KMT2C: variants seen among roughly 807,000 people sequenced by gnomAD.
The protein encoded by KMT2C is histone-lysine N-methyltransferase 2C.
KMT2C carries 88 observed loss-of-function variants against 507.9 expected under a neutral mutation model. The ratio of observed to expected loss-of-function variants is 0.17; its 90% CI spans 0.15 to 0.21. The LOEUF (loss-of-function observed/expected upper bound fraction) is 0.21, where lower values mean the gene tolerates loss of function less well. Among genes scored for constraint, KMT2C ranks in the 10% least tolerant of loss-of-function variants. The pLI, the probability that KMT2C is intolerant of heterozygous loss-of-function variation, is 1.00. For missense variants in KMT2C, 4,954 were observed against 5,957.8 expected (o/e 0.83, Z 5.55); for synonymous variants, 2,049 against 2,080.8 (o/e 0.98, Z 0.42).
Position 152,152,949 on chromosome 7 carries a change from A to T in KMT2C, c.12282T>A (p.Ile4094=), listed in dbSNP as rs375947760. The T allele has an allele frequency of 6.2e-7, 1 of 1,614,120 alleles. No individual in the cohort carries two copies. Among genetic ancestry groups the T allele is most frequent in the Non-Finnish European group, 8.5e-7 (1 of 1,179,914 alleles). Residue 4094 remains isoleucine, a synonymous_variant, in exon 49 of 59, where the codon ATT becomes ATA. Transcript: ENST00000262189. ...CGGAAAATGCAGCCACAACACTGCT[A>T]ATGTTCTAAAACCAAATGCAAATGC... ...ITLHPTAAEN[I]SSVVAAFSDL... is the part of the protein sequence containing the mutation.
intron 20 of KMT2C, among the ~76,000 whole-genome samples, chr7:152,223,525 G>A (rs560775937): frequency 6.6e-6 from 1 of 152,206 alleles, no homozygotes; most frequent in Admixed American, 6.5e-5. Flanking sequence ...CGGGCACAGT[G>A]GCTCACACCT....
intron 9 of KMT2C, among the ~76,000 whole-genome samples, chr7:152,253,514 CAAAAAAAAA>C (rs71198770): frequency 1.0e-3 from 41 of 39,512 alleles, no homozygotes; most frequent in African/African-American, 1.9e-3. Context: ...TCTTTCTCTA[CAAAAAAAAA>C]AAAAAAAAAA....
intron 15 of KMT2C, among the ~76,000 whole-genome samples, chr7:152,236,252 T>C (rs1168877686): frequency 6.6e-6 from 1 of 152,264 alleles, no homozygotes; most frequent in East Asian, 1.9e-4. Flanking sequence ...ATCCAGATAT[T>C]TCGAAGTGCA....
At chr7:152,219,610 A>G (rs2094703010) in intron 23 of KMT2C, among the ~76,000 whole-genome samples, 1 of 152,126 alleles carries the variant, frequency 6.6e-6, no homozygotes, top group African/African-American at 2.4e-5. Flanking sequence ...ACTATGAAAT[A>G]AAATATAATC....
intron 6 of KMT2C, among the ~76,000 whole-genome samples, chr7:152,303,416 T>C (rs113982022): frequency 0.02 from 3,092 of 152,288 alleles, 114 homozygotes; most frequent in African/African-American, 0.072. Context: ...GGCCAGCCAG[T>C]AGGACCTACC....
At chr7:152,257,884 C>A (rs74726042) in intron 9 of KMT2C, among the ~76,000 whole-genome samples, 4,628 of 146,728 alleles carry the variant, frequency 0.032, 212 homozygotes, top group African/African-American at 0.1. Flanking sequence ...CACACACACA[C>A]AAAAAAAACA....
Position 152,152,724 on chromosome 7 carries a change from T to C in KMT2C, c.12507A>G (p.Pro4169=), listed in dbSNP as rs1363346899. The change falls in exon 49 of 59, where the codon CCA becomes CCG. Residue 4169 remains proline, a synonymous_variant. Transcript: ENST00000262189. Reference sequence around the variant, plus strand: ...GCTCACCATTGCTTGTTGGAGGAAATGGTACATTAGGCTGCTTCAGCCGGT... The same window carrying C: ...GCTCACCATTGCTTGTTGGAGGAAACGGTACATTAGGCTGCTTCAGCCGGT... ...SSYRLKQPNV[P]FPPTSNGLSG... 1.2e-6 allele frequency: 2 copies of C among 1,614,062 alleles called. No homozygotes were observed. Among genetic ancestry groups the C allele is most frequent in the South Asian group, 1.1e-5 (1 of 91,056 alleles).
chr7:152,280,770 TTG>T (rs898114699), intron 6 of KMT2C, among the ~76,000 whole-genome samples: 2 of 152,216 alleles, frequency 1.3e-5, no homozygotes, highest in African/African-American at 4.8e-5. Context: ...AATTGCTTTA[TTG>T]TAACAGATAA....
In KMT2C at chr7:152,335,921, T is replaced by C. The variant is rs546171947; in HGVS notation, c.251-5182A>G. 5.5e-4 allele frequency among the ~76,000 whole-genome samples: 84 copies of C among 152,080 alleles called. 2 individuals carry two copies. The South Asian group carries it at 0.017, about 30-fold the overall frequency. The stretch of plus-strand genomic sequence containing the variant: ...TCAGACTATAGGGTTTTTTTGTTTT[T>C]TTTTTGTTTTTTAAGAAATAGGATC... On this transcript the variant is annotated intron_variant, in intron 2 of 58. Coordinates refer to ENST00000262189, the MANE Select transcript of KMT2C (RefSeq NM_170606.3).
chr7:152,350,392 G>A (rs1442053058), intron 2 of KMT2C, among the ~76,000 whole-genome samples: 1 of 152,216 alleles, frequency 6.6e-6, no homozygotes, highest in African/African-American at 2.4e-5. Flanking sequence ...GATATGTTCT[G>A]AAATATTCAT....
At chr7:152,357,378 G>A (rs2097160848) in intron 2 of KMT2C, among the ~76,000 whole-genome samples, 1 of 152,082 alleles carries the variant, frequency 6.6e-6, no homozygotes, top group African/African-American at 2.4e-5. Flanking sequence ...CAAAAAATTA[G>A]CTGGGTGTGG....
Position 152,155,350 on chromosome 7 carries a change from G to A in KMT2C, c.11960+560C>T, listed in dbSNP as rs549034111. 2.6e-5 allele frequency among the ~76,000 whole-genome samples: 4 copies of A among 152,330 alleles called. No individual in the cohort carries two copies. The East Asian group carries it at 7.7e-4, about 29-fold the overall frequency. The stretch of plus-strand genomic sequence containing the variant: ...AAAGAAGAGATAATTATTTGATGAA[G>A]TTGTAAGAACCCTCTGGATCTAAAG... On this transcript the variant is annotated intron_variant, in intron 46 of 58. Coordinates refer to ENST00000262189, the MANE Select transcript of KMT2C (RefSeq NM_170606.3).
chr7:152,347,226 C>A (rs2097068778), intron 2 of KMT2C, among the ~76,000 whole-genome samples: 1 of 152,220 alleles, frequency 6.6e-6, no homozygotes, highest in South Asian at 2.1e-4. Flanking sequence ...AGACTGTCTA[C>A]CTGAAATAGT....
Position 152,163,276 on chromosome 7 carries a change from T to G in KMT2C, c.10301A>C (p.His3434Pro). 3 of 1,614,196 alleles carry G rather than the reference T, an allele frequency of 1.9e-6. No homozygotes were observed. Among genetic ancestry groups the G allele is most frequent in the Admixed American group, 3.3e-5 (2 of 60,024 alleles). The change falls in exon 43 of 59, where the codon CAT becomes CCT. Residue 3434 changes from histidine to proline, a missense_variant. Transcript: ENST00000262189. ...ALQQRMEMEQ[H>P]GMVGSEISSS... ...ACTTATCTCAGAGCCCACCATACCA[T>G]GCTGCTCCATTTCCATCCTCTGCTG... is the stretch of plus-strand genomic sequence containing the variant.
At chr7:152,400,858 T>C (rs889880338) in intron 1 of KMT2C, among the ~76,000 whole-genome samples, 1 of 123,160 alleles carries the variant, frequency 8.1e-6, no homozygotes, top group East Asian at 2.2e-4. Context: ...TAGCCCAAAC[T>C]GAAGGAAATA....
chr7:152,338,317 T>C (rs995597934), intron 2 of KMT2C, among the ~76,000 whole-genome samples: 1 of 152,208 alleles, frequency 6.6e-6, no homozygotes, highest in Admixed American at 6.5e-5. Flanking sequence ...CCAAACAAAA[T>C]TTTGAGTAAC....
chr7:152,412,068 T>C (rs2097690044), intron 1 of KMT2C, among the ~76,000 whole-genome samples: 1 of 152,216 alleles, frequency 6.6e-6, no homozygotes, highest in African/African-American at 2.4e-5. Flanking sequence ...TTTCTTCCAT[T>C]TAACAAAGGA....
At chr7:152,186,556 T>A (rs3800835) in intron 33 of KMT2C, among the ~76,000 whole-genome samples, 17,119 of 152,180 alleles carry the variant, frequency 0.11, 2,208 homozygotes, top group African/African-American at 0.31. Context: ...GGTACCTAAA[T>A]ACAGGGGTCA....
intron 39 of KMT2C, among the ~76,000 whole-genome samples, 161 bp downstream of exon 39, chr7:152,173,970 A>G (rs2093078163): frequency 6.6e-6 from 1 of 152,212 alleles, no homozygotes; most frequent in South Asian, 2.1e-4. Context: ...TTGGTATAGC[A>G]TTTTGTATCT....
Sources: allele counts gnomAD v4.1 joint callset (sites outside exome capture counted in the v4.1 genomes callset), GRCh38; gene constraint gnomAD v4.1.1; transcripts MANE v1.5; gene names NCBI Gene and HGNC (gene_info 2026-07-23, HGNC 2026-07-21).